The following MAN2A2 variants were observed in gnomAD, a reference collection of about 807,000 sequenced individuals.
MAN2A2 encodes alpha-mannosidase 2x.
In MAN2A2, 79 loss-of-function variants were observed where a neutral mutation model predicts 126.8. The ratio of observed to expected loss-of-function variants is 0.62; its 90% CI spans 0.52 to 0.75. The LOEUF (loss-of-function observed/expected upper bound fraction) is 0.75. Ranked by LOEUF, MAN2A2 falls within the 30% of genes least tolerant of loss-of-function variation. The pLI, the probability that MAN2A2 is intolerant of heterozygous loss-of-function variation, is 0.00. For missense variants in MAN2A2, 1,392 were observed against 1,522.4 expected, an observed-to-expected ratio of 0.91 and a Z score of 1.43; for synonymous variants, 671 against 618.7, an observed-to-expected ratio of 1.08 and a Z score of -1.25.
In MAN2A2 at chr15:90,909,201, G is replaced by A. The variant is rs2034529183; in HGVS notation, c.1197-126G>A. On this transcript the variant is annotated intron_variant, in intron 8 of 22. Coordinates refer to ENST00000559717, the MANE Select transcript of MAN2A2 (RefSeq NM_006122.4). Reference sequence around the variant, plus strand: ...TGGGATTCATGTGCAGGAGGTGTCTGTTTGCGCTGAACCACTCCTTGGTGG... The same window carrying A: ...TGGGATTCATGTGCAGGAGGTGTCTATTTGCGCTGAACCACTCCTTGGTGG... The A allele has an allele frequency of 9.3e-6, 8 of 856,738 alleles. No homozygotes were observed. In the East Asian group the frequency reaches 2.2e-4, roughly 23 times the overall value. The allele number at this position is 856,738 out of a possible 1,614,324, so 53.1% of individuals were successfully genotyped here. A position where few individuals can be genotyped will look rare whatever the true frequency, so the allele number is the denominator to read the frequency against.
At position 90,912,222 on chromosome 15, in the gene MAN2A2, C is replaced by T. The variant is rs371261073; in HGVS notation, c.2289C>T (p.Phe763=). 3.7e-5 allele frequency: 59 copies of T among 1,614,230 alleles called. No individual in the cohort carries two copies. Among genetic ancestry groups the T allele is most frequent in the East Asian group, 8.9e-5 (4 of 44,890 alleles). Residue 763 remains phenylalanine, a synonymous_variant, in exon 15 of 23, where the codon TTC becomes TTT. Coordinates refer to ENST00000559717, the MANE Select transcript of MAN2A2 (RefSeq NM_006122.4). ...LRVIDSGTSD[F]ALSNRYMQVW... ...TCATTGACTCTGGCACCAGCGACTT[C>T]GCCCTCAGCAACCGCTACATGCAGG...
In MAN2A2 at chr15:90,906,011, C is replaced by G; in HGVS notation, c.702C>G (p.Val234=). The G allele has an allele frequency of 6.2e-7, 1 of 1,613,800 alleles. No individual in the cohort carries two copies. The highest frequency in any genetic ancestry group is 1.1e-5 in the South Asian group (1 of 91,074). The change falls in exon 5 of 23, where the codon GTC becomes GTG. Residue 234 remains valine, a synonymous_variant. Coordinates refer to ENST00000559717, the MANE Select transcript of MAN2A2 (RefSeq NM_006122.4). ...DNINVQKRAA[V]RRLVGNGQLE... ...TCAATGTCCAAAAGAGAGCGGCAGT[C>G]CGAAGGCCAGTACCAGGCGGGGAGG... is the stretch of plus-strand genomic sequence containing the variant.
At chr15:90,905,145 C>T in intron 2 of MAN2A2, 106 bp from the exon 3 acceptor site, 1 of 1,273,942 alleles carries the variant, frequency 7.8e-7, no homozygotes, top group Non-Finnish European at 1.1e-6. Flanking sequence ...CTGGCTTTGA[C>T]TGATGAGGGA....
chr15:90,915,477 C>G (rs2035098031), intron 19 of MAN2A2: 1 of 152,338 alleles, frequency 6.6e-6, no homozygotes, highest in South Asian at 2.1e-4. Flanking sequence ...TCCAAGCATA[C>G]TCTAGAAAAC....
intron 22 of MAN2A2, 69 bp from the exon 23 acceptor site, chr15:90,919,566 A>G (rs954150935): frequency 6.4e-7 from 1 of 1,563,414 alleles, no homozygotes. Context: ...ACCAAATTGT[A>G]GATGAACAGC....
chr15:90,918,283 A>G lies in MAN2A2; in HGVS notation c.3084A>G (p.Val1028=). ...YLNAPALALP[V]ARMQLPGPGL... ...ACGCCCCGGCGCTCGCTCTGCCTGT[A>G]GCCAGGATGCAGCTCCCAGGCCCTG... is the stretch of plus-strand genomic sequence containing the variant. The change falls in exon 21 of 23, where the codon GTA becomes GTG. Residue 1028 remains valine (V), a synonymous_variant. Transcript: ENST00000559717. 6.2e-7 allele frequency: 1 copy of G among 1,614,138 alleles called. No homozygotes were observed. The highest frequency in any genetic ancestry group is 8.5e-7 in the Non-Finnish European group (1 of 1,180,018).
At position 90,920,331 on chromosome 15, in the gene MAN2A2, G is replaced by A. The variant is rs1266481; in HGVS notation, c.*544G>A. Reference sequence around the variant, plus strand: ...GGATGGAGCAGTAGAAGGAATCACTGTTTCTCCTAGGAGTCTGAAGGCCTC... The same window carrying A: ...GGATGGAGCAGTAGAAGGAATCACTATTTCTCCTAGGAGTCTGAAGGCCTC... On this transcript the variant is annotated 3_prime_UTR_variant, in exon 23 of 23. Transcript: ENST00000559717. 21,376 of 153,254 alleles carry A rather than the reference G, an allele frequency of 0.14. 2,268 individuals carry two copies. The highest frequency in any genetic ancestry group is 0.3 in the African/African-American group (12,317 of 41,490). 9.5% of individuals were successfully genotyped at this position (153,254 alleles called of 1,614,324 possible). A position where few individuals can be genotyped will look rare whatever the true frequency, so the allele number is the denominator to read the frequency against.
At chr15:90,909,605 C>CTTTTT (rs147151470) in intron 9 of MAN2A2, 101 bp downstream of exon 9, 10 of 849,416 alleles carry the variant, frequency 1.2e-5, no homozygotes, top group South Asian at 4.5e-5. Flanking sequence ...GGGTGCCCCC[C>CTTTTT]TTTTTTTTTT....
At chr15:90,919,496 C>T (rs2035437027) in intron 22 of MAN2A2, 139 bp from the exon 23 acceptor site, 1 of 1,047,250 alleles carries the variant, frequency 9.5e-7, no homozygotes, top group East Asian at 2.5e-5. Context: ...GCCTTGGCCT[C>T]CCAAAGTGCT....
chr15:90,913,249 CCCCCACTTTGTT>C lies in MAN2A2; in HGVS notation c.2585-21_2585-10del. On this transcript the variant is annotated splice_polypyrimidine_tract_variant and intron_variant, in intron 17 of 22. Transcript: ENST00000559717. ...TGCTTCAGCCTCACACCTGTCCATG[CCCCCACTTTGTT>C]CCTGTACCCAGGGGTGGAGGGGCTG... 2 of 1,612,078 alleles carry C rather than the reference CCCCCACTTTGTT, an allele frequency of 1.2e-6. No homozygotes were observed. Among genetic ancestry groups the C allele is most frequent in the African/African-American group, 1.3e-5 (1 of 75,038 alleles).
At chr15:90,913,825 C>A in intron 19 of MAN2A2, 70 bp downstream of exon 19, 2 of 1,489,408 alleles carry the variant, frequency 1.3e-6, no homozygotes, top group South Asian at 2.7e-5. Flanking sequence ...CTCAAGGGCT[C>A]CCCGCTCTGT....
rs114857411 is a variant in MAN2A2, at chr15:90,905,145, C to G, written c.133-106C>G. ...CTCTAGGCTCATGGTCTGGCTTTGA[C>G]TGATGAGGGAAGAATTGTACTCAGG... On this transcript the variant is annotated intron_variant, in intron 2 of 22. Coordinates refer to ENST00000559717, the MANE Select transcript of MAN2A2 (RefSeq NM_006122.4). The G allele has an allele frequency of 2.3e-3, 2,888 of 1,273,936 alleles. 56 individuals are homozygous for G. The African/African-American group carries it at 0.037, about 16-fold the overall frequency. 78.9% of individuals were successfully genotyped at this position (1,273,936 alleles called of 1,614,324 possible).
In MAN2A2 at chr15:90,907,483, A is replaced by G. The variant is rs1378130792; in HGVS notation, c.1184A>G (p.Asn395Ser). Residue 395 changes from asparagine to serine, a missense_variant, in exon 8 of 23, where the codon AAC becomes AGC. Transcript: ENST00000559717. ...CCACCCCGGGCCATCACAGAGGCCA[A>G]CGTGGCAGAGAGGTATCTGCTTCCA... ...KVPPRAITEA[N>S]VAERAALLLD... 4.3e-6 allele frequency: 7 copies of G among 1,611,926 alleles called. No individual in the cohort carries two copies. Among genetic ancestry groups the G allele is most frequent in the Non-Finnish European group, 5.9e-6 (7 of 1,179,828 alleles).
Position 90,907,195 on chromosome 15 carries a change from G to A in MAN2A2, c.1010-114G>A. 5 of 1,090,318 alleles carry A rather than the reference G, an allele frequency of 4.6e-6. No homozygotes were observed. In the South Asian group the frequency reaches 7.2e-5, roughly 16 times the overall value. The allele number at this position is 1,090,318 out of a possible 1,614,324, so 67.5% of individuals were successfully genotyped here. A position where few individuals can be genotyped will look rare whatever the true frequency, so the allele number is the denominator to read the frequency against. On this transcript the variant is annotated intron_variant, in intron 7 of 22. Coordinates refer to ENST00000559717, the MANE Select transcript of MAN2A2 (RefSeq NM_006122.4). ...GCCTACACACTCTCTCCAGCCCTAG[G>A]TCCAGTTACAGCCTCGCGGTCTATC...
At chr15:90,917,135 A>C (rs1372957829) in intron 20 of MAN2A2, among the ~76,000 whole-genome samples, 1 of 152,218 alleles carries the variant, frequency 6.6e-6, no homozygotes, top group Non-Finnish European at 1.5e-5. Flanking sequence ...TTAAATTACA[A>C]CTAAATCAAG....
intron 8 of MAN2A2, among the ~76,000 whole-genome samples, chr15:90,908,310 A>G (rs1264910981): frequency 6.6e-6 from 1 of 152,204 alleles, no homozygotes; most frequent in East Asian, 1.9e-4. Flanking sequence ...TATTTGAGGA[A>G]TCCTCTCATG....
chr15:90,916,336 AGGAG>A, intron 20 of MAN2A2, 80 bp downstream of exon 20: 1 of 1,532,320 alleles, frequency 6.5e-7, no homozygotes, highest in South Asian at 1.2e-5. Flanking sequence ...CTAGGGCTCG[AGGAG>A]CGTAGTTGGA....
rs1211488384 is a variant in MAN2A2, at chr15:90,915,071, G to T, written c.2861-1052G>T. On this transcript the variant is annotated intron_variant, in intron 19 of 22. Transcript: ENST00000559717. ...GGCAAGTTCGGGGGCCTGACTCCCT[G>T]CTGGGAGGAGTGTGCCTTTCTCTGC... 2.0e-5 allele frequency among the ~76,000 whole-genome samples: 3 copies of T among 152,350 alleles called. No homozygotes were observed. The East Asian group carries it at 5.8e-4, about 29-fold the overall frequency.
At chr15:90,902,700 C>T (rs931188291), upstream of MAN2A2, 1 of 148,832 alleles carries the variant, frequency 6.7e-6, no homozygotes, top group East Asian at 2.0e-4. Flanking sequence ...ACACGCAGGC[C>T]GGGGCGGGCG....
Sources: gnomAD v4.1 joint callset for allele counts (sites outside exome capture counted in the v4.1 genomes callset) on GRCh38, gnomAD v4.1.1 for gene constraint, MANE v1.5 for transcripts, NCBI Gene and HGNC (gene_info 2026-07-23, HGNC 2026-07-21) for gene names.